Variants in CFAP44 observed in about 807,000 individuals in gnomAD.
CFAP44 encodes the protein cilia and flagella associated protein 44.
In CFAP44, 134 loss-of-function variants were observed where a neutral mutation model predicts 216.2. The ratio of observed to expected loss-of-function variants is 0.62; its 90% CI spans 0.54 to 0.72. The LOEUF (loss-of-function observed/expected upper bound fraction) is 0.72. Ranked by LOEUF, CFAP44 falls within the 30% of genes least tolerant of loss-of-function variation. The pLI is 0.00. For synonymous variants in CFAP44, 700 were observed against 727.6 expected (o/e 0.96, Z 0.61); for missense variants, 2,035 against 2,182.1 (o/e 0.93, Z 1.34).
intron 15 of CFAP44, among the ~76,000 whole-genome samples, chr3:113,386,205 T>A (rs1231810343): frequency 6.6e-6 from 1 of 152,230 alleles, no homozygotes; most frequent in African/African-American, 2.4e-5. Context: ...TTGTCTCATA[T>A]AAATAGAGCA....
chr3:113,378,586 G>T (rs1933416531), intron 17 of CFAP44, among the ~76,000 whole-genome samples: 1 of 152,122 alleles, frequency 6.6e-6, no homozygotes. Context: ...ACACTTTTAT[G>T]AAATTATTTT....
At chr3:113,369,427 C>T (rs1176206396) in intron 18 of CFAP44, among the ~76,000 whole-genome samples, 1 of 152,192 alleles carries the variant, frequency 6.6e-6, no homozygotes, top group Non-Finnish European at 1.5e-5. Context: ...AATAAACTCA[C>T]TCAAAACTGC....
intron 22 of CFAP44, among the ~76,000 whole-genome samples, chr3:113,349,662 C>G (rs1419624656): frequency 1.3e-5 from 2 of 152,170 alleles, no homozygotes; most frequent in East Asian, 3.8e-4. Flanking sequence ...TTCTCTGGGC[C>G]AGAAGCCCCT....
At chr3:113,342,029 G>A (rs1950337764) in intron 23 of CFAP44, 111 bp from the exon 24 acceptor site, 5 of 1,254,052 alleles carry the variant, frequency 4.0e-6, no homozygotes, top group East Asian at 5.6e-5. Context: ...TATTGAATTT[G>A]TAAATCAAAG....
chr3:113,330,552 A>T lies in CFAP44; in HGVS notation c.3732T>A (p.Thr1244=). The change falls in exon 26 of 35, where the codon ACT becomes ACA. Residue 1244 remains threonine (T), a synonymous_variant. Transcript: ENST00000393845. ...LVQELKNIQS[T]LHISKHIPIP... is the part of the protein sequence containing the mutation. ...TGGGTATGTGCTTGGATATGTGAAG[A>T]GTCGACTGAATGTTCTTCAGTTCTT... The T allele has an allele frequency of 6.5e-7, 1 of 1,537,252 alleles. No homozygotes were observed. Among genetic ancestry groups the T allele is most frequent in the Non-Finnish European group, 8.7e-7 (1 of 1,146,890 alleles).
rs528437079 is a variant in CFAP44 at position 113,434,085 on chromosome 3, G to T, written c.-5-416C>A. 1.9e-4 allele frequency: 32 copies of T among 164,568 alleles called. No homozygotes were observed. The South Asian group carries it at 4.0e-3, about 20-fold the overall frequency. The allele number at this position is 164,568 out of a possible 1,614,324, so 10.2% of individuals were successfully genotyped here. On this transcript the variant is annotated intron_variant, in intron 1 of 34. Transcript: ENST00000393845. ...TTTAAAATATTTTTTGAGCACACCT[G>T]CAGTGTATCAAGTCTTATGTTGGGT...
In CFAP44 at chr3:113,291,492, TGAG is replaced by T. The variant is rs1401301126; in HGVS notation, c.*62_*64del. On this transcript the variant is annotated 3_prime_UTR_variant, in exon 35 of 35. Coordinates refer to ENST00000393845, the MANE Select transcript of CFAP44 (RefSeq NM_001164496.2). ...AAAGTAATAAGATTGTTGGAGGTGA[TGAG>T]GAGACAGAACTTCCAGTGAGTTATG... 11 of 1,489,334 alleles carry T rather than the reference TGAG, an allele frequency of 7.4e-6. No homozygotes were observed. In the Admixed American group the frequency reaches 1.8e-4, roughly 25 times the overall value. The allele number at this position is 1,489,334 out of a possible 1,614,324, so 92.3% of individuals were successfully genotyped here. A position where few individuals can be genotyped will look rare whatever the true frequency, so the allele number is the denominator to read the frequency against.
chr3:113,436,663 C>A (rs919892062), intron 1 of CFAP44, among the ~76,000 whole-genome samples: 1 of 152,132 alleles, frequency 6.6e-6, no homozygotes, highest in Non-Finnish European at 1.5e-5. Flanking sequence ...TTGGAAAGTA[C>A]TCCCTAAGTT....
intron 17 of CFAP44, among the ~76,000 whole-genome samples, chr3:113,377,861 G>A (rs1576579591): frequency 1.3e-5 from 2 of 152,032 alleles, no homozygotes; most frequent in African/African-American, 2.4e-5. Context: ...CCATGTTGGC[G>A]AGAATGGTCT....
chr3:113,346,961 C>A (rs1950390765), intron 22 of CFAP44, among the ~76,000 whole-genome samples: 1 of 152,210 alleles, frequency 6.6e-6, no homozygotes, highest in Non-Finnish European at 1.5e-5. Context: ...CCCGTGGCTT[C>A]ATTCTTGAAG....
At chr3:113,336,676 T>C (rs1310224126) in intron 24 of CFAP44, among the ~76,000 whole-genome samples, 1 of 151,750 alleles carries the variant, frequency 6.6e-6, no homozygotes, top group East Asian at 1.9e-4. Context: ...GAAAACAAAA[T>C]ATAGAATAGC....
intron 1 of CFAP44, among the ~76,000 whole-genome samples, chr3:113,438,264 T>C (rs1172333808): frequency 2.0e-5 from 3 of 152,218 alleles, no homozygotes; most frequent in South Asian, 2.1e-4. Context: ...AGGACTTTAG[T>C]TTAACTTCCT....
chr3:113,351,766 C>A (rs1950447412), intron 22 of CFAP44, among the ~76,000 whole-genome samples: 1 of 152,214 alleles, frequency 6.6e-6, no homozygotes, highest in Admixed American at 6.5e-5. Flanking sequence ...CCGTGACAGC[C>A]ATCTTGCTAT....
chr3:113,291,839 C>T, intron 34 of CFAP44, 91 bp from the exon 35 acceptor site: 1 of 1,375,850 alleles, frequency 7.3e-7, no homozygotes, highest in Non-Finnish European at 9.7e-7. Context: ...TGAGTGCTGG[C>T]CTGACAGTCA....
At chr3:113,334,435 G>T (rs1950265623) in intron 24 of CFAP44, among the ~76,000 whole-genome samples, 1 of 152,100 alleles carries the variant, frequency 6.6e-6, no homozygotes, top group Non-Finnish European at 1.5e-5. Flanking sequence ...AGAAAGCCAT[G>T]AGCAAACCAG....
intron 15 of CFAP44, among the ~76,000 whole-genome samples, chr3:113,389,187 C>T (rs1189100875): frequency 6.6e-6 from 1 of 152,020 alleles, no homozygotes; most frequent in Non-Finnish European, 1.5e-5. Flanking sequence ...TCTCTGACCA[C>T]AATGGAATAA....
In CFAP44 at chr3:113,372,589, G is replaced by C. The variant is rs1037329241; in HGVS notation, c.2444+822C>G. ...CACCAGGGCCTGTTGGGGAGTGGGG[G>C]GCAGAGGGAGGGATAGCATTAGGAG... On this transcript the variant is annotated intron_variant, in intron 18 of 34. Transcript: ENST00000393845. 2.0e-5 allele frequency among the ~76,000 whole-genome samples: 3 copies of C among 152,130 alleles called. No individual in the cohort carries two copies. In the South Asian group the frequency reaches 6.2e-4, roughly 32 times the overall value.
At chr3:113,333,380 T>C in intron 25 of CFAP44, 26 bp downstream of exon 25, 1 of 1,528,088 alleles carries the variant, frequency 6.5e-7, no homozygotes. Context: ...GCCTTCTCCA[T>C]TGTCATAAAA....
chr3:113,441,001 T>C (rs1014379163), intron 1 of CFAP44, among the ~76,000 whole-genome samples: 4 of 152,254 alleles, frequency 2.6e-5, no homozygotes, highest in African/African-American at 7.2e-5. Flanking sequence ...ACTTTACTTG[T>C]ATTATCCTGT....
Sources: gnomAD v4.1 joint callset for allele counts (sites outside exome capture counted in the v4.1 genomes callset) on GRCh38, gnomAD v4.1.1 for gene constraint, MANE v1.5 for transcripts, NCBI Gene and HGNC (gene_info 2026-07-23, HGNC 2026-07-21) for gene names.